Variants in FOXJ3 observed in about 807,000 individuals in gnomAD.
The protein encoded by FOXJ3 is forkhead box protein J3.
A neutral mutation model predicts 76.1 loss-of-function variants in FOXJ3; 22 were observed. That is an observed-to-expected ratio of 0.29 (90% CI 0.21 to 0.41). The LOEUF (loss-of-function observed/expected upper bound fraction) is 0.41. Among genes scored for constraint, FOXJ3 ranks in the 10% least tolerant of loss-of-function variants. The pLI is 1.00. For synonymous variants in FOXJ3, 269 were observed against 261.2 expected (o/e 1.03, Z -0.29); for missense variants, 613 against 762.1 (o/e 0.80, Z 2.30).
chr1:42,264,214 A>G (rs557901350), intron 4 of FOXJ3, among the ~76,000 whole-genome samples: 11 of 152,244 alleles, frequency 7.2e-5, no homozygotes, highest in Admixed American at 5.9e-4. Context: ...AGACCATATG[A>G]ATAGCATGTT....
intron 3 of FOXJ3, among the ~76,000 whole-genome samples, chr1:42,276,804 A>C (rs1274089925): frequency 6.6e-6 from 1 of 152,252 alleles, no homozygotes; most frequent in African/African-American, 2.4e-5. Context: ...TACTTATATT[A>C]TCTATCCTCT....
At chr1:42,219,495 T>G (rs943199912) in intron 5 of FOXJ3, among the ~76,000 whole-genome samples, 7 of 152,240 alleles carry the variant, frequency 4.6e-5, no homozygotes, top group Non-Finnish European at 8.8e-5. Context: ...GGAGGTCTAC[T>G]GTACCATTTC....
chr1:42,185,808 A>G (rs1009046664), intron 11 of FOXJ3, among the ~76,000 whole-genome samples: 2 of 152,112 alleles, frequency 1.3e-5, no homozygotes, highest in African/African-American at 4.8e-5. Flanking sequence ...TTCTATAACA[A>G]CCTTCTCCCC....
chr1:42,265,290 A>G, intron 3 of FOXJ3, 101 bp from the exon 4 acceptor site: 2 of 600,014 alleles, frequency 3.3e-6, no homozygotes, highest in Non-Finnish European at 5.8e-6. Flanking sequence ...ATGCTTTGCA[A>G]AACAATTACA....
chr1:42,328,430 C>A lies in FOXJ3; in HGVS notation c.-18+6629G>T, dbSNP rs981536960. Among the ~76,000 whole-genome samples, 8 of 152,184 alleles carry A rather than the reference C, an allele frequency of 5.3e-5. No homozygotes were observed. In the East Asian group the frequency reaches 1.5e-3, roughly 29 times the overall value. Reference sequence around the variant, plus strand: ...CACTCTAAGTTTGAGTCCCACTCTACAAGTATGAGTCTTGTTACAGACTAT... The same window carrying A: ...CACTCTAAGTTTGAGTCCCACTCTAAAAGTATGAGTCTTGTTACAGACTAT... On this transcript the variant is annotated intron_variant, in intron 1 of 12. Transcript: ENST00000361346.
intron 4 of FOXJ3, among the ~76,000 whole-genome samples, chr1:42,229,140 A>T (rs1647849282): frequency 6.6e-6 from 1 of 152,074 alleles, no homozygotes; most frequent in Non-Finnish European, 1.5e-5. Context: ...TCCACCTTCA[A>T]ATTTTACCTC....
chr1:42,315,407 T>C, intron 1 of FOXJ3: 1 of 985,162 alleles, frequency 1.0e-6, no homozygotes, highest in Non-Finnish European at 1.2e-6. Flanking sequence ...AGGTTCTTAT[T>C]TCTCAATCAG....
chr1:42,186,390 G>C (rs1646436568), intron 11 of FOXJ3, among the ~76,000 whole-genome samples: 1 of 152,086 alleles, frequency 6.6e-6, no homozygotes, highest in Non-Finnish European at 1.5e-5. Context: ...AGGGGAGTGA[G>C]AGTAGAAAGA....
rs374619510 is a variant in FOXJ3, at chr1:42,221,594, T to A, written c.528+6289A>T. On this transcript the variant is annotated intron_variant, in intron 5 of 12. Transcript: ENST00000361346. Reference sequence around the variant, plus strand: ...CCTCAGCCTCCCCAGTAGCTGGGACTAGAGGCAGGTGCCACCACACCCACT... The same window carrying A: ...CCTCAGCCTCCCCAGTAGCTGGGACAAGAGGCAGGTGCCACCACACCCACT... Among the ~76,000 whole-genome samples the A allele has an allele frequency of 2.6e-5, 4 of 152,044 alleles. No homozygotes were observed. In the East Asian group the frequency reaches 7.8e-4, roughly 30 times the overall value.
Position 42,179,360 on chromosome 1 carries a change from T to C in FOXJ3, c.*350A>G, listed in dbSNP as rs894985977. The stretch of plus-strand genomic sequence containing the variant: ...ATTTTTGTACATATATTTACACATA[T>C]GTATCTTTATATAAACTGCTTGCAG... On this transcript the variant is annotated 3_prime_UTR_variant, in exon 13 of 13. Coordinates refer to ENST00000361346, the MANE Select transcript of FOXJ3 (RefSeq NM_014947.5). The C allele has an allele frequency of 4.3e-5, 7 of 161,548 alleles. No homozygotes were observed. The highest frequency in any genetic ancestry group is 3.8e-4 in the South Asian group (2 of 5,268). The allele number at this position is 161,548 out of a possible 1,614,324, so 10.0% of individuals were successfully genotyped here.
At chr1:42,217,638 A>G (rs1255664649) in intron 5 of FOXJ3, among the ~76,000 whole-genome samples, 2 of 152,246 alleles carry the variant, frequency 1.3e-5, no homozygotes, top group Non-Finnish European at 2.9e-5. Flanking sequence ...CCTCAGAGAA[A>G]TTAAATTAGA....
chr1:42,180,215 AG>A (rs1441635962), intron 12 of FOXJ3, among the ~76,000 whole-genome samples: 1 of 152,256 alleles, frequency 6.6e-6, no homozygotes, highest in African/African-American at 2.4e-5. Flanking sequence ...AATGGTAAAC[AG>A]GATAATGATG....
intron 2 of FOXJ3, among the ~76,000 whole-genome samples, chr1:42,302,692 C>T (rs1433610413): frequency 6.6e-6 from 1 of 152,222 alleles, no homozygotes; most frequent in African/African-American, 2.4e-5. Flanking sequence ...TGCCACTGAA[C>T]CATAAAGCTT....
chr1:42,240,181 T>G (rs1217042174), intron 4 of FOXJ3, among the ~76,000 whole-genome samples: 2 of 152,192 alleles, frequency 1.3e-5, no homozygotes, highest in Non-Finnish European at 2.9e-5. Context: ...CTGAACTAAA[T>G]TTAGTTTTTT....
chr1:42,222,046 G>GAGAAGAAGAAGAAGA (rs1161062102), intron 5 of FOXJ3, among the ~76,000 whole-genome samples: 146 of 8,944 alleles, frequency 0.016, 3 homozygotes, highest in Middle Eastern at 0.12. Context: ...GAAGGAGAAG[G>GAGAAGAAGAAGAAGA]AGAAGAAGAA....
chr1:42,325,394 C>G (rs1488077327), intron 1 of FOXJ3, among the ~76,000 whole-genome samples: 1 of 152,272 alleles, frequency 6.6e-6, no homozygotes, highest in African/African-American at 2.4e-5. Context: ...AAGAAGAAAA[C>G]AGAAGAAATC....
intron 2 of FOXJ3, among the ~76,000 whole-genome samples, chr1:42,306,105 A>G (rs561870756): frequency 2.3e-4 from 35 of 152,340 alleles, no homozygotes; most frequent in African/African-American, 7.9e-4. Context: ...TACATAAAGC[A>G]AACGATCAAG....
At chr1:42,329,294 T>C (rs1387020984) in intron 1 of FOXJ3, among the ~76,000 whole-genome samples, 1 of 152,212 alleles carries the variant, frequency 6.6e-6, no homozygotes, top group Non-Finnish European at 1.5e-5. Context: ...CAAATTCTAT[T>C]AAATCAAAAA....
Position 42,179,478 on chromosome 1 carries a change from G to T in FOXJ3, c.*232C>A. Reference sequence around the variant, plus strand: ...AAAAAGCCGTCCAAATCACACAACAGTTAGGAGCTACATAGGGCAGCTGGC... The same window carrying T: ...AAAAAGCCGTCCAAATCACACAACATTTAGGAGCTACATAGGGCAGCTGGC... On this transcript the variant is annotated 3_prime_UTR_variant, in exon 13 of 13. Coordinates refer to ENST00000361346, the MANE Select transcript of FOXJ3 (RefSeq NM_014947.5). The T allele has an allele frequency of 3.1e-6, 1 of 321,374 alleles. No individual in the cohort carries two copies. The highest frequency in any genetic ancestry group is 5.7e-6 in the Non-Finnish European group (1 of 174,092). 19.9% of individuals were successfully genotyped at this position (321,374 alleles called of 1,614,324 possible). A position where few individuals can be genotyped will look rare whatever the true frequency, so the allele number is the denominator to read the frequency against.
Sources: allele counts gnomAD v4.1 joint callset (sites outside exome capture counted in the v4.1 genomes callset), GRCh38; gene constraint gnomAD v4.1.1; transcripts MANE v1.5; gene names NCBI Gene and HGNC (gene_info 2026-07-23, HGNC 2026-07-21).